Variants in RNF175 observed in about 807,000 individuals in gnomAD.
RNF175 encodes ring finger protein 175.
Under a neutral mutation model 50.0 loss-of-function variants are expected in RNF175, and 38 were observed. The observed-to-expected ratio is 0.76, with a 90% CI of 0.59 to 1.00. The LOEUF is 1.00. Ranked by LOEUF, RNF175 falls within the 50% of genes least tolerant of loss-of-function variation. The pLI, the probability that RNF175 is intolerant of heterozygous loss-of-function variation, is 0.00. For synonymous variants in RNF175, 155 were observed against 146.1 expected (o/e 1.06, Z -0.44); for missense variants, 388 against 409.6 (o/e 0.95, Z 0.46).
At position 153,723,365 on chromosome 4, in the gene RNF175, G is replaced by C; in HGVS notation, c.495C>G (p.Phe165Leu). 1 of 1,555,240 alleles carries C rather than the reference G, an allele frequency of 6.4e-7. No individual in the cohort carries two copies. Among genetic ancestry groups the C allele is most frequent in the South Asian group, 1.1e-5 (1 of 89,420 alleles). Reference sequence around the variant, plus strand: ...GAGATACTTACTTGAAAAACAGATTGAATCCACACATTGTAAACATGATCG... The same window carrying C: ...GAGATACTTACTTGAAAAACAGATTCAATCCACACATTGTAAACATGATCG... The part of the protein sequence containing the change: ...YLAIMFTMCG[F>L]NLFFKIKARD... The change falls in exon 5 of 9, where the codon TTC becomes TTG. Residue 165 changes from phenylalanine to leucine, a missense_variant. Coordinates refer to ENST00000347063, the MANE Select transcript of RNF175 (RefSeq NM_173662.4).
intron 3 of RNF175, among the ~76,000 whole-genome samples, chr4:153,748,121 C>A (rs1436182506): frequency 1.3e-5 from 2 of 152,196 alleles, no homozygotes; most frequent in Admixed American, 6.5e-5. Context: ...TCTTATTAGG[C>A]CCCACCTCCC....
chr4:153,712,702 T>C, intron 7 of RNF175, 126 bp from the exon 8 acceptor site: 1 of 671,672 alleles, frequency 1.5e-6, no homozygotes, highest in Non-Finnish European at 2.7e-6. Context: ...CATCGCTTTT[T>C]TCGGGAGGTT....
chr4:153,717,710 A>G (rs1459252779), intron 6 of RNF175, among the ~76,000 whole-genome samples: 1 of 152,156 alleles, frequency 6.6e-6, no homozygotes, highest in Non-Finnish European at 1.5e-5. Flanking sequence ...CTTATGACAC[A>G]GTTTCTTTTG....
At chr4:153,738,380 G>A (rs1344919828) in intron 3 of RNF175, among the ~76,000 whole-genome samples, 2 of 149,024 alleles carry the variant, frequency 1.3e-5, no homozygotes, top group Admixed American at 6.7e-5. Flanking sequence ...GAGATAAGGT[G>A]TCACTTTGTT....
chr4:153,757,479 C>T (rs1016235194), intron 1 of RNF175, among the ~76,000 whole-genome samples: 1 of 152,110 alleles, frequency 6.6e-6, no homozygotes, highest in Non-Finnish European at 1.5e-5. Context: ...GTAGCAAAGC[C>T]AGAACAATGA....
chr4:153,715,171 C>G (rs1737827734), intron 7 of RNF175: 2 of 356,040 alleles, frequency 5.6e-6, no homozygotes. Context: ...CCTGATACTT[C>G]ACTCTTTTTC....
chr4:153,743,664 G>C (rs1210376552), intron 3 of RNF175, among the ~76,000 whole-genome samples: 1 of 152,098 alleles, frequency 6.6e-6, no homozygotes, highest in Admixed American at 6.5e-5. Context: ...TGATCCTTAG[G>C]ACTACAGAGC....
chr4:153,744,791 T>C (rs1739881481), intron 3 of RNF175, among the ~76,000 whole-genome samples: 1 of 152,232 alleles, frequency 6.6e-6, no homozygotes, highest in African/African-American at 2.4e-5. Flanking sequence ...TCTAGTTTCA[T>C]TCACTTAAAG....
intron 3 of RNF175, among the ~76,000 whole-genome samples, chr4:153,733,787 G>A (rs892529194): frequency 1.3e-5 from 2 of 151,628 alleles, no homozygotes; most frequent in African/African-American, 2.4e-5. Flanking sequence ...TATGACATTT[G>A]ACAAATGCAT....
chr4:153,715,561 A>G lies in RNF175; in HGVS notation c.732T>C (p.Ile244=). Reference sequence around the variant, plus strand: ...TACAGGAAAGCTGGTAGGTGTTTTCAATGAGCCCTTCTTCATCAAGCTCCA... The same window carrying G: ...TACAGGAAAGCTGGTAGGTGTTTTCGATGAGCCCTTCTTCATCAAGCTCCA... ...IIVELDEEGL[I]ENTYQLSCNH... is the part of the protein sequence containing the mutation. Residue 244 remains isoleucine, a synonymous_variant, in exon 7 of 9, where the codon ATT becomes ATC. Coordinates refer to ENST00000347063, the MANE Select transcript of RNF175 (RefSeq NM_173662.4). 1 of 1,610,324 alleles carries G rather than the reference A, an allele frequency of 6.2e-7. No homozygotes were observed. Among genetic ancestry groups the G allele is most frequent in the Non-Finnish European group, 8.5e-7 (1 of 1,178,046 alleles).
rs200881252 is a variant in RNF175, at chr4:153,728,109, AC to A, written c.401+97del. 72 of 784,858 alleles carry A rather than the reference AC, an allele frequency of 9.2e-5. 1 individual carries two copies. In the East Asian group the frequency reaches 1.2e-3, roughly 13 times the overall value. The allele number at this position is 784,858 out of a possible 1,614,324, so 48.6% of individuals were successfully genotyped here. A position where few individuals can be genotyped will look rare whatever the true frequency, so the allele number is the denominator to read the frequency against. On this transcript the variant is annotated intron_variant, in intron 4 of 8. Coordinates refer to ENST00000347063, the MANE Select transcript of RNF175 (RefSeq NM_173662.4). ...GTAAAAGACACGTAAAAGAAATGTA[AC>A]CCCCCCACTCCCCAACCCAGGAAAA...
chr4:153,749,541 C>A (rs1740177243), intron 2 of RNF175, among the ~76,000 whole-genome samples: 1 of 152,202 alleles, frequency 6.6e-6, no homozygotes, highest in Non-Finnish European at 1.5e-5. Context: ...CTTAGACATG[C>A]ACAGACATTC....
intron 3 of RNF175, among the ~76,000 whole-genome samples, chr4:153,733,076 C>G (rs1053481711): frequency 6.6e-6 from 1 of 152,034 alleles, no homozygotes; most frequent in African/African-American, 2.4e-5. Context: ...ATAAGCTGCT[C>G]TGATGTACAC....
In RNF175 at chr4:153,759,991, G is replaced by A; in HGVS notation, c.-129C>T. 1 of 501,812 alleles carries A rather than the reference G, an allele frequency of 2.0e-6. No homozygotes were observed. The highest frequency in any genetic ancestry group is 3.2e-6 in the Non-Finnish European group (1 of 311,904). 31.1% of individuals were successfully genotyped at this position (501,812 alleles called of 1,614,324 possible). On this transcript the variant is annotated 5_prime_UTR_variant, in exon 1 of 9. Transcript: ENST00000347063. ...GCCGGATCTGCGGCGGCGGCGGAGCGGCGGCCCTGCCCGGGTTGTGCGGGG... is the reference window on the plus strand; with the variant it reads ...GCCGGATCTGCGGCGGCGGCGGAGCAGCGGCCCTGCCCGGGTTGTGCGGGG...
chr4:153,744,379 G>A (rs1342343393), intron 3 of RNF175, among the ~76,000 whole-genome samples: 6 of 151,858 alleles, frequency 4.0e-5, no homozygotes, highest in South Asian at 4.2e-4. Context: ...CCGAGATCGC[G>A]CCATTGCACT....
At position 153,712,562 on chromosome 4, in the gene RNF175, C is replaced by G; in HGVS notation, c.779G>C (p.Cys260Ser). The change falls in exon 8 of 9, where the codon TGC (cysteine) becomes TCC (serine). Residue 260 changes from cysteine (C) to serine (S), a missense_variant. Physicochemically the swap from Cys to Ser is moderately radical, Grantham distance 112 (BLOSUM62 -1). Transcript: ENST00000347063. ...CCCAACGATACACCAACCTCGGATG[C>G]AGAATTCATGAAAGCTGAAGCATCT... ...LSCNHVFHEF[C>S]IRGWCIVGKK... 1 of 1,611,524 alleles carries G rather than the reference C, an allele frequency of 6.2e-7. No homozygotes were observed. The highest frequency in any genetic ancestry group is 8.5e-7 in the Non-Finnish European group (1 of 1,178,054).
intron 8 of RNF175, among the ~76,000 whole-genome samples, chr4:153,711,320 G>A (rs1216445918): frequency 2.6e-5 from 4 of 151,954 alleles, no homozygotes; most frequent in Non-Finnish European, 5.9e-5. Flanking sequence ...TTGGGCTTGA[G>A]TGGCACTGAC....
In RNF175 at chr4:153,710,245, T is replaced by G. The variant is rs769169198; in HGVS notation, c.*124A>C. On this transcript the variant is annotated 3_prime_UTR_variant, in exon 9 of 9. Transcript: ENST00000347063. ...AATTCTTTCCACATGGACAAATTGC[T>G]TGACAACAAAGTTTACTTAGTTTTC... 2.8e-6 allele frequency: 2 copies of G among 715,496 alleles called. No homozygotes were observed. Among genetic ancestry groups the G allele is most frequent in the East Asian group, 2.8e-5 (1 of 35,182 alleles). 44.3% of individuals were successfully genotyped at this position (715,496 alleles called of 1,614,324 possible).
intron 2 of RNF175, among the ~76,000 whole-genome samples, chr4:153,750,193 A>C (rs1740208446): frequency 6.6e-6 from 1 of 152,174 alleles, no homozygotes; most frequent in Non-Finnish European, 1.5e-5. Flanking sequence ...AAAATCTCTT[A>C]AGTTTCCACT....
Sources: allele counts gnomAD v4.1 joint callset (sites outside exome capture counted in the v4.1 genomes callset), GRCh38; gene constraint gnomAD v4.1.1; transcripts MANE v1.5; gene names NCBI Gene and HGNC (gene_info 2026-07-23, HGNC 2026-07-21).